The following BCL11A variants were observed in gnomAD, a reference collection of about 807,000 sequenced individuals.
The protein encoded by BCL11A is B cell CLL/lymphoma 11A.
Under a neutral mutation model 55.9 loss-of-function variants are expected in BCL11A, and 2 were observed. That is an observed-to-expected ratio of 0.04 (90% CI 0.01 to 0.11). The LOEUF is 0.11. Among genes scored for constraint, BCL11A ranks in the 10% least tolerant of loss-of-function variants. BCL11A has a pLI of 1.00. For missense variants in BCL11A, 817 were observed against 1,137.1 expected (o/e 0.72, Z 4.05); for synonymous variants, 465 against 473.4 (o/e 0.98, Z 0.23).
At position 60,475,648 on chromosome 2, in the gene BCL11A, T is replaced by C. The variant is rs557314267; in HGVS notation, c.386-6815A>G. Among the ~76,000 whole-genome samples, 4 of 152,316 alleles carry C rather than the reference T, an allele frequency of 2.6e-5. No individual in the cohort carries two copies. In the East Asian group the frequency reaches 7.7e-4, roughly 29 times the overall value. On this transcript the variant is annotated intron_variant, in intron 2 of 3. Coordinates refer to ENST00000642384, the MANE Select transcript of BCL11A (RefSeq NM_022893.4). ...CTCCAAATTTCCCCTCTTTCTTCTT[T>C]TCAAAGCCATGGGGAGGATAGGGGT... is the stretch of plus-strand genomic sequence containing the variant.
intron 2 of BCL11A, among the ~76,000 whole-genome samples, chr2:60,531,082 C>G (rs1292357129): frequency 6.6e-6 from 1 of 152,084 alleles, no homozygotes; most frequent in Admixed American, 6.6e-5. Flanking sequence ...CCACTAACCT[C>G]TTTTCTTTAC....
chr2:60,506,537 A>T (rs1679604796), intron 2 of BCL11A, among the ~76,000 whole-genome samples: 2 of 152,232 alleles, frequency 1.3e-5, no homozygotes, highest in Admixed American at 1.3e-4. Flanking sequence ...AGCCGGCCCC[A>T]GCTGGCATGC....
At chr2:60,481,371 C>T (rs1018092579) in intron 2 of BCL11A, among the ~76,000 whole-genome samples, 1 of 150,324 alleles carries the variant, frequency 6.7e-6, no homozygotes, top group African/African-American at 2.5e-5. Flanking sequence ...AACCCAGGGC[C>T]TTCTCTCTGT....
chr2:60,478,969 T>G (rs1432970937), intron 2 of BCL11A, among the ~76,000 whole-genome samples: 11 of 44,406 alleles, frequency 2.5e-4, no homozygotes, highest in African/African-American at 6.6e-4. Flanking sequence ...TTGTTTTTTG[T>G]TTTTTTTTTT....
At chr2:60,532,564 C>T (rs1274978639) in intron 2 of BCL11A, among the ~76,000 whole-genome samples, 4 of 147,730 alleles carry the variant, frequency 2.7e-5, no homozygotes, top group African/African-American at 5.0e-5. Flanking sequence ...ATGTGAATGG[C>T]GAAAAAGAAA....
chr2:60,508,141 T>C (rs1397842303), intron 2 of BCL11A, among the ~76,000 whole-genome samples: 2 of 152,192 alleles, frequency 1.3e-5, no homozygotes, highest in African/African-American at 4.8e-5. Context: ...GAGCAACAGC[T>C]AAGTAGTTAT....
At chr2:60,537,481 A>T (rs978233428) in intron 2 of BCL11A, 1 of 152,258 alleles carries the variant, frequency 6.6e-6, no homozygotes, top group African/African-American at 2.4e-5. Flanking sequence ...TGAGTTGGTG[A>T]AGGAGAATAC....
Position 60,458,917 on chromosome 2 carries a change from A to G in BCL11A, c.*1487T>C, listed in dbSNP as rs1479698692. 9.7e-7 allele frequency: 1 copy of G among 1,033,952 alleles called. No homozygotes were observed. The highest frequency in any genetic ancestry group is 6.0e-5 in the East Asian group (1 of 16,642). The allele number at this position is 1,033,952 out of a possible 1,614,324, so 64.0% of individuals were successfully genotyped here. A position where few individuals can be genotyped will look rare whatever the true frequency, so the allele number is the denominator to read the frequency against. Reference sequence around the variant, plus strand: ...AATCCTCTTCCATGTTAACACAAATAGCACACAGTGTATGGAAAAGAAATG... The same window carrying G: ...AATCCTCTTCCATGTTAACACAAATGGCACACAGTGTATGGAAAAGAAATG... On this transcript the variant is annotated 3_prime_UTR_variant, in exon 4 of 4. Transcript: ENST00000642384.
rs1446258755 is a variant in BCL11A at position 60,553,305 on chromosome 2, G to T, written c.-35C>A. ...CGGGGCGGGCGGCGGCGGCGGCGGCGGCGGCGGCGGGCGGACGACGGCTCG... is the reference window on the plus strand; with the variant it reads ...CGGGGCGGGCGGCGGCGGCGGCGGCTGCGGCGGCGGGCGGACGACGGCTCG... On this transcript the variant is annotated 5_prime_UTR_variant, in exon 1 of 4. Coordinates refer to ENST00000642384, the MANE Select transcript of BCL11A (RefSeq NM_022893.4). The T allele has an allele frequency of 2.6e-6, 4 of 1,525,842 alleles. No homozygotes were observed. The highest frequency in any genetic ancestry group is 2.8e-5 in the African/African-American group (2 of 70,654). 94.5% of individuals were successfully genotyped at this position (1,525,842 alleles called of 1,614,324 possible).
At chr2:60,531,412 A>G (rs1669451976) in intron 2 of BCL11A, among the ~76,000 whole-genome samples, 1 of 152,248 alleles carries the variant, frequency 6.6e-6, no homozygotes, top group South Asian at 2.1e-4. Context: ...CTGACTTGCA[A>G]TTAAATGCAA....
chr2:60,458,593 CT>C lies in BCL11A; in HGVS notation c.*1810del. 2 of 1,036,430 alleles carry C rather than the reference CT, an allele frequency of 1.9e-6. No individual in the cohort carries two copies. The highest frequency in any genetic ancestry group is 2.3e-6 in the Non-Finnish European group (2 of 860,758). The allele number at this position is 1,036,430 out of a possible 1,614,324, so 64.2% of individuals were successfully genotyped here. ...GTAAGCTCAATAGTCAAGTAAATGG[CT>C]GGCAAAGTTTTTTTTTTTTTAGTTT... On this transcript the variant is annotated 3_prime_UTR_variant, in exon 4 of 4. Transcript: ENST00000642384.
At chr2:60,470,378 T>C (rs951717795) in intron 2 of BCL11A, among the ~76,000 whole-genome samples, 3 of 152,200 alleles carry the variant, frequency 2.0e-5, no homozygotes, top group Non-Finnish European at 4.4e-5. Flanking sequence ...GATTTTGTCA[T>C]GGTATTTTTC....
In BCL11A at chr2:60,549,220, G is replaced by A. The variant is rs927978698; in HGVS notation, c.56-2920C>T. 3.7e-4 allele frequency among the ~76,000 whole-genome samples: 57 copies of A among 152,170 alleles called. 1 individual carries two copies. ...TCTCAATGTCTCAGTGACAGACTGA[G>A]ATCTCTTTCCTCTCTGTGTAGTTGC... is the stretch of plus-strand genomic sequence containing the variant. On this transcript the variant is annotated intron_variant, in intron 1 of 3. Coordinates refer to ENST00000642384, the MANE Select transcript of BCL11A (RefSeq NM_022893.4).
At chr2:60,477,604 T>TAAAGAAAGAAAG (rs60443237) in intron 2 of BCL11A, among the ~76,000 whole-genome samples, 3 of 150,510 alleles carry the variant, frequency 2.0e-5, no homozygotes, top group East Asian at 4.0e-4. Flanking sequence ...GTAAAATAAA[T>TAAAGAAAGAAAG]AAAGAAAGAA....
chr2:60,553,241 C>T lies in BCL11A; in HGVS notation c.30G>A (p.Gln10=). 2 of 1,599,226 alleles carry T rather than the reference C, an allele frequency of 1.3e-6. No individual in the cohort carries two copies. The highest frequency in any genetic ancestry group is 8.5e-7 in the Non-Finnish European group (1 of 1,175,616). ...GCGAGAATTCCCGTTTGCTTAAGTG[C>T]TGGGGTTTGCCTTGCTTGCGGCGAG... The part of the protein sequence containing the change: MSRRKQGKP[Q]HLSKREFSPE... The change falls in exon 1 of 4, where the codon CAG becomes CAA. Residue 10 remains glutamine (Q), a synonymous_variant. Coordinates refer to ENST00000642384, the MANE Select transcript of BCL11A (RefSeq NM_022893.4).
chr2:60,493,648 C>A (rs1678778837), intron 2 of BCL11A, among the ~76,000 whole-genome samples: 1 of 152,118 alleles, frequency 6.6e-6, no homozygotes, highest in Non-Finnish European at 1.5e-5. Flanking sequence ...CCTAAGAGCC[C>A]CCACTAGCTC....
chr2:60,457,098 C>G (rs530590217), downstream of BCL11A: 1 of 278,814 alleles, frequency 3.6e-6, no homozygotes, highest in Admixed American at 6.4e-5. Flanking sequence ...TAGAAATAAT[C>G]CTGAAAAAGA....
chr2:60,534,443 T>A (rs1165803637), intron 2 of BCL11A: 2 of 152,394 alleles, frequency 1.3e-5, no homozygotes, highest in African/African-American at 4.8e-5. Context: ...GATGTCTTAA[T>A]ACACTATAAT....
At chr2:60,521,332 G>A (rs903153566) in intron 2 of BCL11A, among the ~76,000 whole-genome samples, 4 of 152,186 alleles carry the variant, frequency 2.6e-5, no homozygotes, top group Non-Finnish European at 4.4e-5. Context: ...GAGAGAGAGC[G>A]GACATTTTGT....
Sources: allele counts gnomAD v4.1 joint callset (sites outside exome capture counted in the v4.1 genomes callset), GRCh38; gene constraint gnomAD v4.1.1; transcripts MANE v1.5; gene names NCBI Gene and HGNC (gene_info 2026-07-23, HGNC 2026-07-21).